Variants in LIN54 observed in about 807,000 individuals in gnomAD.
The protein encoded by LIN54 is lin-54 DREAM MuvB core complex component, also known as protein lin-54 homolog.
Under a neutral mutation model 78.7 loss-of-function variants are expected in LIN54, and 9 were observed. That is an observed-to-expected ratio of 0.11 (90% confidence interval 0.07 to 0.20). The LOEUF (loss-of-function observed/expected upper bound fraction) is 0.20. Ranked by LOEUF, LIN54 falls within the 10% of genes least tolerant of loss-of-function variation. The pLI is 1.00. For missense variants in LIN54, 573 were observed against 889.9 expected (o/e 0.64, Z 4.53); for synonymous variants, 269 against 318.4 (o/e 0.84, Z 1.65).
chr4:82,981,667 C>A (rs749776705), intron 2 of LIN54, among the ~76,000 whole-genome samples: 1 of 151,986 alleles, frequency 6.6e-6, no homozygotes, highest in Non-Finnish European at 1.5e-5. Flanking sequence ...AAAAAAAATT[C>A]TAAATCTAAT....
chr4:82,953,451 T>C (rs1724010664), intron 4 of LIN54, among the ~76,000 whole-genome samples: 1 of 152,136 alleles, frequency 6.6e-6, no homozygotes, highest in Admixed American at 6.6e-5. Context: ...TTACGTATAT[T>C]TTGCCACAAT....
At chr4:83,003,733 C>A (rs2126112196) in intron 1 of LIN54, among the ~76,000 whole-genome samples, 1 of 152,244 alleles carries the variant, frequency 6.6e-6, no homozygotes, top group African/African-American at 2.4e-5. Context: ...GCCATGTTGC[C>A]CAGGCTAGTC....
chr4:82,932,882 G>T (rs1722084571), intron 11 of LIN54, among the ~76,000 whole-genome samples: 1 of 152,046 alleles, frequency 6.6e-6, no homozygotes, highest in Admixed American at 6.6e-5. Context: ...AGATTTCACT[G>T]TTCTTTAATG....
intron 5 of LIN54, among the ~76,000 whole-genome samples, chr4:82,942,823 T>C (rs1723015950): frequency 6.6e-6 from 1 of 151,400 alleles, no homozygotes; most frequent in South Asian, 2.1e-4. Flanking sequence ...CCCTGCCTTC[T>C]CCTCATACAC....
At chr4:82,980,280 G>T (rs1726522235) in intron 2 of LIN54, among the ~76,000 whole-genome samples, 1 of 152,066 alleles carries the variant, frequency 6.6e-6, no homozygotes, top group Admixed American at 6.6e-5. Context: ...GAATTTTAGA[G>T]TGTGAAGAAC....
chr4:82,986,960 G>A (rs920653375), intron 1 of LIN54, among the ~76,000 whole-genome samples: 8 of 152,114 alleles, frequency 5.3e-5, no homozygotes, highest in Admixed American at 3.3e-4. Flanking sequence ...GTAAATGGTA[G>A]AGCCAGGACT....
chr4:82,938,330 G>A (rs371874984), intron 8 of LIN54, 83 bp downstream of exon 8: 35 of 778,536 alleles, frequency 4.5e-5, no homozygotes, highest in Admixed American at 3.3e-4. Context: ...AAAAATAAAA[G>A]AGGATGTAGT....
chr4:83,007,638 A>G (rs748844625), intron 1 of LIN54, among the ~76,000 whole-genome samples: 4 of 152,166 alleles, frequency 2.6e-5, no homozygotes, highest in Admixed American at 6.5e-5. Context: ...CTGTAACCTC[A>G]ACACTTTGGG....
chr4:82,981,679 C>G (rs757879820), intron 2 of LIN54, among the ~76,000 whole-genome samples: 1 of 151,856 alleles, frequency 6.6e-6, no homozygotes, highest in Non-Finnish European at 1.5e-5. Context: ...AAATCTAATT[C>G]CTTTTTATTG....
intron 1 of LIN54, among the ~76,000 whole-genome samples, chr4:83,000,142 C>T (rs897771440): frequency 6.6e-6 from 1 of 152,098 alleles, no homozygotes; most frequent in Non-Finnish European, 1.5e-5. Context: ...GATCCTCCTG[C>T]CTCAGCTCTC....
intron 4 of LIN54, among the ~76,000 whole-genome samples, chr4:82,948,074 CAGAA>C (rs759032099): frequency 1.5e-4 from 23 of 151,820 alleles, no homozygotes; most frequent in Non-Finnish European, 2.6e-4. Context: ...TAAATGAAAA[CAGAA>C]AGCATAAGAA....
chr4:82,975,732 G>C (rs1726111745), intron 3 of LIN54, among the ~76,000 whole-genome samples: 1 of 151,476 alleles, frequency 6.6e-6, no homozygotes, highest in Non-Finnish European at 1.5e-5. Context: ...AAGAGAGCTA[G>C]ATGAACAAAA....
At chr4:82,933,985 A>T (rs1045991898) in intron 11 of LIN54, among the ~76,000 whole-genome samples, 1 of 152,138 alleles carries the variant, frequency 6.6e-6, no homozygotes, top group African/African-American at 2.4e-5. Context: ...ATTCGTGACA[A>T]TTTTTGTATG....
chr4:82,948,998 G>A (rs1433944486), intron 4 of LIN54, among the ~76,000 whole-genome samples: 3 of 152,150 alleles, frequency 2.0e-5, no homozygotes, highest in Non-Finnish European at 4.4e-5. Flanking sequence ...ATCCTCAGGA[G>A]GTGGTGATCT....
At chr4:82,970,074 G>T (rs1725518150) in intron 4 of LIN54, among the ~76,000 whole-genome samples, 1 of 152,076 alleles carries the variant, frequency 6.6e-6, no homozygotes, top group Non-Finnish European at 1.5e-5. Context: ...ATTTATTCAA[G>T]ATTTTGTTGT....
chr4:82,939,464 C>T (rs1722655719), intron 7 of LIN54, 75 bp downstream of exon 7: 2 of 1,245,158 alleles, frequency 1.6e-6, no homozygotes, highest in Non-Finnish European at 2.4e-6. Flanking sequence ...GTTTGAGTAG[C>T]TTCTGTGATA....
At chr4:83,003,246 C>T (rs1173682465) in intron 1 of LIN54, among the ~76,000 whole-genome samples, 1 of 152,044 alleles carries the variant, frequency 6.6e-6, no homozygotes, top group Non-Finnish European at 1.5e-5. Context: ...AACTCCTGAC[C>T]TCAATTGATC....
chr4:82,926,913 C>T lies in LIN54; in HGVS notation c.*1189G>A, dbSNP rs961981737. The T allele has an allele frequency of 5.3e-5, 8 of 152,206 alleles. No individual in the cohort carries two copies. The highest frequency in any genetic ancestry group is 3.3e-4 in the Admixed American group (5 of 15,286). 9.4% of individuals were successfully genotyped at this position (152,206 alleles called of 1,614,324 possible). A position where few individuals can be genotyped will look rare whatever the true frequency, so the allele number is the denominator to read the frequency against. The stretch of plus-strand genomic sequence containing the variant: ...CTGTAATCCCAGCACTTTGGGAGGC[C>T]GAGGCGGGCGAATCACGAGGTCAGG... On this transcript the variant is annotated 3_prime_UTR_variant, in exon 13 of 13. Coordinates refer to ENST00000340417, the MANE Select transcript of LIN54 (RefSeq NM_194282.4).
chr4:82,937,203 G>T, intron 9 of LIN54, 24 bp downstream of exon 9: 1 of 1,094,528 alleles, frequency 9.1e-7, no homozygotes, highest in Non-Finnish European at 1.4e-6. Flanking sequence ...CATTAAATAA[G>T]CAAACAGTTG....
Sources: gnomAD v4.1 joint callset for allele counts (sites outside exome capture counted in the v4.1 genomes callset) on GRCh38, gnomAD v4.1.1 for gene constraint, MANE v1.5 for transcripts, NCBI Gene and HGNC (gene_info 2026-07-23, HGNC 2026-07-21) for gene names.